Variants in RO60 observed in about 807,000 individuals in gnomAD.
RO60 encodes Ro60, Y RNA binding protein, also known as RNA-binding protein RO60.
A neutral mutation model predicts 55.3 loss-of-function variants in RO60; 20 were observed. That is an observed-to-expected ratio of 0.36 (90% confidence interval 0.25 to 0.53). The LOEUF is 0.53. Ranked by LOEUF, RO60 falls within the 20% of genes least tolerant of loss-of-function variation. RO60 has a pLI of 0.92. For missense variants in RO60, 558 were observed against 646.6 expected (o/e 0.86, Z 1.49); for synonymous variants, 213 against 213.6 (o/e 1.00, Z 0.02).
intron 1 of RO60, among the ~76,000 whole-genome samples, chr1:193,065,139 A>G (rs1370841102): frequency 1.3e-5 from 2 of 152,188 alleles, no homozygotes; most frequent in East Asian, 3.8e-4. Context: ...AAGAGAAACC[A>G]ATTGTGCATA....
intron 1 of RO60, among the ~76,000 whole-genome samples, chr1:193,066,839 G>A (rs1321518023): frequency 6.6e-6 from 1 of 152,124 alleles, no homozygotes. Context: ...TTCTTTTCTA[G>A]AATATAAAGA....
In RO60 at chr1:193,085,843, A is replaced by G; in HGVS notation, c.*1112A>G. 1.0e-6 allele frequency: 1 copy of G among 985,306 alleles called. No individual in the cohort carries two copies. Among genetic ancestry groups the G allele is most frequent in the Non-Finnish European group, 1.2e-6 (1 of 829,852 alleles). 61.0% of individuals were successfully genotyped at this position (985,306 alleles called of 1,614,324 possible). A position where few individuals can be genotyped will look rare whatever the true frequency, so the allele number is the denominator to read the frequency against. On this transcript the variant is annotated 3_prime_UTR_variant, in exon 9 of 9. Transcript: ENST00000400968. ...TTGAAAGGCAATTTTTGAGTAGCATATTACCAGCTAGCCAGTCACTAGGAA... is the reference window on the plus strand; with the variant it reads ...TTGAAAGGCAATTTTTGAGTAGCATGTTACCAGCTAGCCAGTCACTAGGAA...
In RO60 at chr1:193,085,180, T is replaced by C. The variant is rs1387007530; in HGVS notation, c.*449T>C. ...ACTAGACCATATAACTGTGATGAAA[T>C]ATGAAACTCATCTGTAAACTTTTAT... On this transcript the variant is annotated 3_prime_UTR_variant, in exon 9 of 9. Coordinates refer to ENST00000400968, the MANE Select transcript of RO60 (RefSeq NM_001173524.2). 1.6e-6 allele frequency: 2 copies of C among 1,224,116 alleles called. No individual in the cohort carries two copies. Among genetic ancestry groups the C allele is most frequent in the Admixed American group, 8.1e-5 (2 of 24,678 alleles). 75.8% of individuals were successfully genotyped at this position (1,224,116 alleles called of 1,614,324 possible).
intron 1 of RO60, among the ~76,000 whole-genome samples, chr1:193,067,796 A>C (rs1451032448): frequency 9.9e-5 from 15 of 152,192 alleles, no homozygotes; most frequent in Admixed American, 9.8e-4. Context: ...GAGTAGAGTG[A>C]GGGTAGTTAC....
chr1:193,065,489 G>A (rs1174735323), intron 1 of RO60, among the ~76,000 whole-genome samples: 3 of 152,192 alleles, frequency 2.0e-5, no homozygotes, highest in Middle Eastern at 3.2e-3. Context: ...AAGTAGACAG[G>A]TTGAAGTGCA....
Position 193,075,949 on chromosome 1 carries a change from G to T in RO60, c.710G>T (p.Arg237Leu). ...CTGGAGGCTGTAGAGAAAGTGAAGC[G>T]CACAAGAGATGAGCTAGAAGTCATT... is the stretch of plus-strand genomic sequence containing the variant. ...KYLEAVEKVK[R>L]TRDELEVIHL... The change falls in exon 3 of 9, where the codon CGC becomes CTC. Residue 237 changes from arginine (R) to leucine (L), a missense_variant. Coordinates refer to ENST00000400968, the MANE Select transcript of RO60 (RefSeq NM_001173524.2). The T allele has an allele frequency of 1.2e-6, 2 of 1,613,192 alleles. No individual in the cohort carries two copies. Among genetic ancestry groups the T allele is most frequent in the Non-Finnish European group, 1.7e-6 (2 of 1,179,518 alleles).
At chr1:193,072,483 T>C (rs1453931891) in intron 2 of RO60, among the ~76,000 whole-genome samples, 1 of 151,990 alleles carries the variant, frequency 6.6e-6, no homozygotes, top group Non-Finnish European at 1.5e-5. Context: ...AAGTTTTGAA[T>C]TTTAATGTAG....
At chr1:193,069,753 A>G (rs1464169346) in intron 2 of RO60, 119 bp downstream of exon 2, 3 of 773,598 alleles carry the variant, frequency 3.9e-6, no homozygotes, top group Non-Finnish European at 6.0e-6. Flanking sequence ...TTTATTCTCA[A>G]AATATACATT....
chr1:193,079,843 AG>A (rs2103065215), intron 5 of RO60, among the ~76,000 whole-genome samples: 1 of 152,152 alleles, frequency 6.6e-6, no homozygotes, highest in South Asian at 2.1e-4. Context: ...AAACATGAAA[AG>A]GGCCAGGTGC....
chr1:193,071,532 A>G (rs1054853863), intron 2 of RO60, among the ~76,000 whole-genome samples: 2 of 152,098 alleles, frequency 1.3e-5, no homozygotes, highest in African/African-American at 4.8e-5. Context: ...TGTTACAAAA[A>G]TACTACAATG....
chr1:193,066,523 C>A (rs2103025585), intron 1 of RO60, among the ~76,000 whole-genome samples: 1 of 152,312 alleles, frequency 6.6e-6, no homozygotes, highest in South Asian at 2.1e-4. Context: ...TTTCCTCTGA[C>A]CATTTGAAAT....
At chr1:193,076,703 A>G (rs926652945) in intron 4 of RO60, 56 bp downstream of exon 4, 1 of 1,498,840 alleles carries the variant, frequency 6.7e-7, no homozygotes, top group Non-Finnish European at 9.0e-7. Context: ...GTGGCTCCTA[A>G]ATTTTAGAAA....
At chr1:193,080,962 G>A (rs540528094) in intron 5 of RO60, among the ~76,000 whole-genome samples, 182 of 152,184 alleles carry the variant, frequency 1.2e-3, no homozygotes, top group Non-Finnish European at 1.6e-3. Context: ...ACAACATTGC[G>A]AATGTACTTA....
chr1:193,079,779 A>G (rs1035271765), intron 5 of RO60, among the ~76,000 whole-genome samples: 13 of 152,114 alleles, frequency 8.5e-5, no homozygotes, highest in Non-Finnish European at 1.9e-4. Flanking sequence ...CAATTTAAAA[A>G]TGGGCAAAGT....
In RO60 at chr1:193,079,081, C is replaced by CTTTT. The variant is rs745317535; in HGVS notation, c.1086+2052_1086+2055dup. 1.1e-3 allele frequency among the ~76,000 whole-genome samples: 95 copies of CTTTT among 85,940 alleles called. 2 individuals carry two copies. The highest frequency in any genetic ancestry group is 3.9e-3 in the South Asian group (8 of 2,066). The allele number at this position is 85,940 out of a possible 152,430, so 56.4% of individuals were successfully genotyped here. A position where few individuals can be genotyped will look rare whatever the true frequency, so the allele number is the denominator to read the frequency against. ...AAACCTTGCATATATGTTCAGTTGACTTTTTTTTTTTTTTTTTTTTTTTTG... is the reference window on the plus strand; with the variant it reads ...AAACCTTGCATATATGTTCAGTTGACTTTTTTTTTTTTTTTTTTTTTTTTTTTTG... On this transcript the variant is annotated intron_variant, in intron 5 of 8. Coordinates refer to ENST00000400968, the MANE Select transcript of RO60 (RefSeq NM_001173524.2).
Position 193,076,635 on chromosome 1 carries a change from A to G in RO60, c.936A>G (p.Lys312=). ...SLVCEKLCNE[K]LLKKARIHPF... is the part of the protein sequence containing the mutation. ...TATGTGAAAAACTGTGTAATGAAAA[A>G]CTATTAAAAAAGGTAAGCATTATCA... Residue 312 remains lysine, a synonymous_variant, in exon 4 of 9, where the codon AAA becomes AAG. Transcript: ENST00000400968. 1 of 1,600,516 alleles carries G rather than the reference A, an allele frequency of 6.2e-7. No individual in the cohort carries two copies. The highest frequency in any genetic ancestry group is 8.5e-7 in the Non-Finnish European group (1 of 1,175,412).
intron 1 of RO60, among the ~76,000 whole-genome samples, chr1:193,065,308 T>C (rs962093770): frequency 1.3e-5 from 2 of 152,194 alleles, no homozygotes; most frequent in African/African-American, 4.8e-5. Flanking sequence ...GTGGTCACAA[T>C]GAATAATACA....
In RO60 at chr1:193,085,113, G is replaced by A; in HGVS notation, c.*382G>A. ...TAACGTTTTCTTAAATGTTTTCATT[G>A]GGAAAGGACAGCTTTGATAATGTCC... On this transcript the variant is annotated 3_prime_UTR_variant, in exon 9 of 9. Transcript: ENST00000400968. 6.9e-7 allele frequency: 1 copy of A among 1,440,800 alleles called. No individual in the cohort carries two copies. Among genetic ancestry groups the A allele is most frequent in the African/African-American group, 1.4e-5 (1 of 70,606 alleles). 89.3% of individuals were successfully genotyped at this position (1,440,800 alleles called of 1,614,324 possible).
chr1:193,061,266 A>G (rs1672670590), intron 1 of RO60, among the ~76,000 whole-genome samples: 1 of 152,216 alleles, frequency 6.6e-6, no homozygotes. Context: ...ATAGCATCAC[A>G]TTGATCAGTG....
Sources: gnomAD v4.1 joint callset for allele counts (sites outside exome capture counted in the v4.1 genomes callset) on GRCh38, gnomAD v4.1.1 for gene constraint, MANE v1.5 for transcripts, NCBI Gene and HGNC (gene_info 2026-07-23, HGNC 2026-07-21) for gene names.